BCO2: variants seen among roughly 807,000 people sequenced by gnomAD.
The protein encoded by BCO2 is carotenoid-cleaving dioxygenase, mitochondrial.
A neutral mutation model predicts 65.8 loss-of-function variants in BCO2; 56 were observed. That is an observed-to-expected ratio of 0.85 (90% confidence interval 0.69 to 1.06). The LOEUF (loss-of-function observed/expected upper bound fraction) is 1.06, where lower values mean the gene tolerates loss of function less well. Ranked by LOEUF, BCO2 falls within the 50% of genes least tolerant of loss-of-function variation. BCO2 has a pLI of 0.00. For synonymous variants in BCO2, 233 were observed against 242.3 expected (o/e 0.96, Z 0.36); for missense variants, 675 against 698.5 (o/e 0.97, Z 0.38).
rs35527541 is a variant in BCO2, at chr11:112,213,131, C to CTTTTTTTTTTTTTT, written c.1195-577_1195-564dup. Reference sequence around the variant, plus strand: ...TGTTTATTTGATGCTAATTAAATAACTTTTTTTTTTTTTTTTTTTTTTTTT... The same window carrying CTTTTTTTTTTTTTT: ...TGTTTATTTGATGCTAATTAAATAACTTTTTTTTTTTTTTTTTTTTTTTTTTTTTTTTTTTTTTT... On this transcript the variant is annotated intron_variant, in intron 8 of 11. Transcript: ENST00000357685. Among the ~76,000 whole-genome samples the CTTTTTTTTTTTTTT allele has an allele frequency of 2.9e-4, 18 of 63,116 alleles. 1 individual carries two copies. Among genetic ancestry groups the CTTTTTTTTTTTTTT allele is most frequent in the African/African-American group, 1.2e-3 (16 of 13,378 alleles). 41.4% of individuals were successfully genotyped at this position (63,116 alleles called of 152,430 possible). A position where few individuals can be genotyped will look rare whatever the true frequency, so the allele number is the denominator to read the frequency against.
At chr11:112,217,701 G>C (rs1406541188) in intron 11 of BCO2, 60 bp from the exon 12 acceptor site, 1 of 1,249,306 alleles carries the variant, frequency 8.0e-7, no homozygotes, top group Admixed American at 1.9e-5. Flanking sequence ...CTTAGTGGAG[G>C]AGACAGGCAA....
intron 2 of BCO2, among the ~76,000 whole-genome samples, chr11:112,191,998 G>A (rs536555949): frequency 6.6e-4 from 101 of 152,070 alleles, no homozygotes; most frequent in Non-Finnish European, 1.1e-3. Flanking sequence ...TATTCATCTC[G>A]TCATGAAACA....
chr11:112,176,749 T>C lies in BCO2; in HGVS notation c.88+1060T>C, dbSNP rs45513694. On this transcript the variant is annotated intron_variant, in intron 1 of 11. Coordinates refer to ENST00000357685, the MANE Select transcript of BCO2 (RefSeq NM_031938.7). ...TTATATTTGATTATGACAACAGACA[T>C]AAACAGGAAGTATTAACCTCCTTTT... 9.4e-4 allele frequency among the ~76,000 whole-genome samples: 143 copies of C among 152,236 alleles called. 1 individual carries two copies. Among genetic ancestry groups the C allele is most frequent in the Admixed American group, 1.2e-3 (18 of 15,286 alleles).
intron 11 of BCO2, among the ~76,000 whole-genome samples, 155 bp from the exon 12 acceptor site, chr11:112,217,606 C>A (rs940220716): frequency 6.6e-6 from 1 of 152,146 alleles, no homozygotes; most frequent in African/African-American, 2.4e-5. Flanking sequence ...AGCAATCCAC[C>A]CACCTCGGCC....
In BCO2 at chr11:112,200,679, C is replaced by T; in HGVS notation, c.932C>T (p.Thr311Ile). 1 of 1,613,854 alleles carries T rather than the reference C, an allele frequency of 6.2e-7. No individual in the cohort carries two copies. Among genetic ancestry groups the T allele is most frequent in the Non-Finnish European group, 8.5e-7 (1 of 1,179,908 alleles). Residue 311 changes from threonine to isoleucine, a missense_variant, in exon 7 of 12, where the codon ACT becomes ATT. Transcript: ENST00000357685. The stretch of plus-strand genomic sequence containing the variant: ...AAGATGAACCTGTGGAAAATTGCCA[C>T]TTCTAAAATTCGGGGAAAGGCCTTT... ...PLKMNLWKIA[T>I]SKIRGKAFSD... is the part of the protein sequence containing the mutation.
chr11:112,185,786 T>C (rs1391672683), intron 2 of BCO2, among the ~76,000 whole-genome samples: 1 of 152,218 alleles, frequency 6.6e-6, no homozygotes, highest in Non-Finnish European at 1.5e-5. Context: ...TAACATACAA[T>C]TTACCATCTT....
At chr11:112,185,293 T>C (rs1193860258) in intron 2 of BCO2, among the ~76,000 whole-genome samples, 3 of 152,180 alleles carry the variant, frequency 2.0e-5, no homozygotes, top group Admixed American at 6.5e-5. Context: ...AGATCTAATG[T>C]ATACTGCATT....
chr11:112,185,555 CT>C (rs1263783355), intron 2 of BCO2, among the ~76,000 whole-genome samples: 1 of 152,120 alleles, frequency 6.6e-6, no homozygotes, highest in Non-Finnish European at 1.5e-5. Flanking sequence ...TTTATTAGCA[CT>C]TTGATGTATT....
intron 2 of BCO2, chr11:112,181,776 G>A (rs1867057782): frequency 2.4e-6 from 2 of 839,986 alleles, no homozygotes; most frequent in Non-Finnish European, 4.2e-6. Context: ...TTCTTGTTTG[G>A]ACCTTCGATA....
chr11:112,217,128 T>C (rs988143963), intron 11 of BCO2, among the ~76,000 whole-genome samples: 1 of 152,240 alleles, frequency 6.6e-6, no homozygotes, highest in East Asian at 1.9e-4. Context: ...TTTTAGAAGA[T>C]TGGAAAGGCA....
chr11:112,182,771 G>A, intron 2 of BCO2: 1 of 599,762 alleles, frequency 1.7e-6, no homozygotes, highest in Non-Finnish European at 2.9e-6. Context: ...GTTAATGGGT[G>A]CAGCACACCA....
intron 9 of BCO2, among the ~76,000 whole-genome samples, chr11:112,214,071 G>A (rs1859588645): frequency 6.6e-6 from 1 of 152,114 alleles, no homozygotes; most frequent in Non-Finnish European, 1.5e-5. Context: ...TTGAAACAGA[G>A]ATATGGAACT....
Position 112,216,329 on chromosome 11 carries a change from A to C in BCO2, c.1625A>C (p.Gln542Pro), listed in dbSNP as rs747591724. The change falls in exon 11 of 12, where the codon CAG becomes CCG. Residue 542 changes from glutamine (Q) to proline (P), a missense_variant and splice_region_variant. Coordinates refer to ENST00000357685, the MANE Select transcript of BCO2 (RefSeq NM_031938.7). ...VILSVVITPN[Q>P]NESNFILVLD... Reference sequence around the variant, plus strand: ...CTTTCTGTGGTGATCACTCCCAACCAGGTAAATATATTTCCCTATCACCAG... The same window carrying C: ...CTTTCTGTGGTGATCACTCCCAACCCGGTAAATATATTTCCCTATCACCAG... The C allele has an allele frequency of 1.2e-6, 2 of 1,608,616 alleles. No individual in the cohort carries two copies. The highest frequency in any genetic ancestry group is 8.5e-7 in the Non-Finnish European group (1 of 1,175,222).
chr11:112,202,547 C>T (rs1179651905), intron 8 of BCO2, among the ~76,000 whole-genome samples: 1 of 152,044 alleles, frequency 6.6e-6, no homozygotes, highest in African/African-American at 2.4e-5. Context: ...CTCCCAAAGT[C>T]TTGGGATTAC....
intron 2 of BCO2, chr11:112,181,953 T>A: frequency 1.8e-6 from 1 of 568,968 alleles, no homozygotes; most frequent in Non-Finnish European, 3.2e-6. Flanking sequence ...AATCTACCCA[T>A]CTGACAAAGG....
Position 112,199,697 on chromosome 11 carries a change from A to G in BCO2, c.737-2A>G. The G allele has an allele frequency of 1.2e-6, 2 of 1,612,600 alleles. No homozygotes were observed. The highest frequency in any genetic ancestry group is 1.7e-6 in the Non-Finnish European group (2 of 1,179,212). On this transcript the variant is annotated splice_acceptor_variant, in intron 5 of 11. Transcript: ENST00000357685. LOFTEE classifies it high-confidence loss of function. ...GGTAAGATAGGACTTTTCATTTTTC[A>G]GGTTTCTCCTATAAGGTTATTCGGG...
At position 112,175,581 on chromosome 11, in the gene BCO2, C is replaced by G; in HGVS notation, c.-21C>G. 1 of 1,583,990 alleles carries G rather than the reference C, an allele frequency of 6.3e-7. No homozygotes were observed. The highest frequency in any genetic ancestry group is 8.7e-7 in the Non-Finnish European group (1 of 1,152,608). On this transcript the variant is annotated 5_prime_UTR_variant, in exon 1 of 12. Transcript: ENST00000357685. ...CCAGTGTGAGAGGATTTGGAAATCA[C>G]TGGATCTGCTCAATACAAAAATGTT...
intron 2 of BCO2, among the ~76,000 whole-genome samples, chr11:112,180,559 C>T (rs1867008932): frequency 6.6e-6 from 1 of 152,068 alleles, no homozygotes. Flanking sequence ...CCCAGGCAGG[C>T]TGAGGAGCCT....
intron 8 of BCO2, among the ~76,000 whole-genome samples, chr11:112,213,020 C>A (rs1467050232): frequency 2.0e-5 from 3 of 152,012 alleles, no homozygotes; most frequent in Non-Finnish European, 2.9e-5. Flanking sequence ...GATCCTTTTC[C>A]ACACAGAGGT....
Sources: allele counts gnomAD v4.1 joint callset (sites outside exome capture counted in the v4.1 genomes callset), GRCh38; gene constraint gnomAD v4.1.1; transcripts MANE v1.5; gene names NCBI Gene and HGNC (gene_info 2026-07-23, HGNC 2026-07-21).